ZNF609: variants seen among roughly 807,000 people sequenced by gnomAD.
ZNF609 encodes the protein zinc finger protein 609.
In ZNF609, 11 loss-of-function variants were observed where a neutral mutation model predicts 109.5. The observed-to-expected ratio is 0.10, with a 90% CI of 0.06 to 0.17. The LOEUF (loss-of-function observed/expected upper bound fraction) is 0.17, where lower values mean the gene tolerates loss of function less well. Ranked by LOEUF, ZNF609 falls within the 10% of genes least tolerant of loss-of-function variation. The pLI, the probability that ZNF609 is intolerant of heterozygous loss-of-function variation, is 1.00. For synonymous variants in ZNF609, 646 were observed against 662.0 expected (o/e 0.98, Z 0.37); for missense variants, 1,559 against 1,772.4 (o/e 0.88, Z 2.16).
At chr15:64,563,896 T>C (rs12911719) in intron 2 of ZNF609, among the ~76,000 whole-genome samples, 1 of 152,210 alleles carries the variant, frequency 6.6e-6, no homozygotes, top group Non-Finnish European at 1.5e-5. Context: ...TATTTATTTA[T>C]TTTTTGAGAC....
chr15:64,626,444 C>T (rs1895963923), intron 3 of ZNF609, among the ~76,000 whole-genome samples: 1 of 152,132 alleles, frequency 6.6e-6, no homozygotes. Flanking sequence ...AAAATTCTTC[C>T]AGACTTCTAG....
intron 1 of ZNF609, among the ~76,000 whole-genome samples, chr15:64,465,828 GAT>G (rs1183728296): frequency 2.2e-4 from 33 of 151,920 alleles, no homozygotes; most frequent in Admixed American, 2.1e-3. Context: ...CTTAAAAACG[GAT>G]ATAGGCCGGG....
chr15:64,528,707 C>T, intron 2 of ZNF609: 1 of 1,180,698 alleles, frequency 8.5e-7, no homozygotes, highest in East Asian at 2.3e-5. Flanking sequence ...GTGCACCACC[C>T]TGTTGCTGTA....
intron 3 of ZNF609, among the ~76,000 whole-genome samples, chr15:64,626,793 G>A (rs1462506518): frequency 1.3e-5 from 2 of 152,016 alleles, no homozygotes; most frequent in Non-Finnish European, 2.9e-5. Flanking sequence ...TGATAATTCA[G>A]TAAGCACTGC....
intron 2 of ZNF609, among the ~76,000 whole-genome samples, chr15:64,608,376 C>G (rs1895647475): frequency 6.6e-6 from 1 of 152,132 alleles, no homozygotes; most frequent in South Asian, 2.1e-4. Context: ...ATGATAATAT[C>G]TTGCAGAACT....
intron 2 of ZNF609, among the ~76,000 whole-genome samples, chr15:64,517,493 A>G (rs1272159931): frequency 6.6e-6 from 1 of 152,218 alleles, no homozygotes; most frequent in Non-Finnish European, 1.5e-5. Context: ...CAAGCAGTTC[A>G]AATTTATGGA....
chr15:64,666,997 A>G (rs190456477), intron 3 of ZNF609, among the ~76,000 whole-genome samples: 1 of 151,912 alleles, frequency 6.6e-6, no homozygotes, highest in Non-Finnish European at 1.5e-5. Flanking sequence ...GGGTGTGGTG[A>G]TGTGCGCCTC....
intron 2 of ZNF609, among the ~76,000 whole-genome samples, chr15:64,584,337 A>T (rs966400094): frequency 2.6e-5 from 4 of 151,774 alleles, no homozygotes; most frequent in Admixed American, 6.6e-5. Context: ...TTATTTATTT[A>T]TTTTTTGAGA....
At chr15:64,645,292 T>C (rs1896319811) in intron 3 of ZNF609, among the ~76,000 whole-genome samples, 1 of 151,980 alleles carries the variant, frequency 6.6e-6, no homozygotes, top group African/African-American at 2.4e-5. Context: ...GGTCTCACCA[T>C]GTTACTTAGG....
chr15:64,463,829 CCTCAGCTAAACTGAGT>C (rs1735815546), intron 1 of ZNF609, among the ~76,000 whole-genome samples: 1 of 152,234 alleles, frequency 6.6e-6, no homozygotes, highest in African/African-American at 2.4e-5. Flanking sequence ...TTGAGTGAAG[CCTCAGCTAAACTGAGT>C]CCAAAGCTTT....
chr15:64,595,990 A>C (rs1158423987), intron 2 of ZNF609, among the ~76,000 whole-genome samples: 1 of 152,162 alleles, frequency 6.6e-6, no homozygotes, highest in East Asian at 1.9e-4. Flanking sequence ...CTTAATAAAT[A>C]AATTATTTGT....
At chr15:64,596,503 A>G (rs184350965) in intron 2 of ZNF609, among the ~76,000 whole-genome samples, 2 of 152,228 alleles carry the variant, frequency 1.3e-5, no homozygotes, top group South Asian at 2.1e-4. Context: ...CCCTCTGCCT[A>G]TAGTGCTTAT....
chr15:64,586,583 T>C (rs1895201961), intron 2 of ZNF609, among the ~76,000 whole-genome samples: 1 of 152,130 alleles, frequency 6.6e-6, no homozygotes, highest in Non-Finnish European at 1.5e-5. Flanking sequence ...GTTCCTTATG[T>C]GAATCTAATG....
At chr15:64,668,952 C>CAAAA (rs538954402) in intron 3 of ZNF609, among the ~76,000 whole-genome samples, 9 of 34,930 alleles carry the variant, frequency 2.6e-4, no homozygotes, top group East Asian at 8.9e-4. Context: ...AACTCCGTCT[C>CAAAA]AAAAAAAAAA....
At chr15:64,556,971 A>G (rs1894598755) in intron 2 of ZNF609, among the ~76,000 whole-genome samples, 1 of 152,170 alleles carries the variant, frequency 6.6e-6, no homozygotes, top group Non-Finnish European at 1.5e-5. Context: ...AGGAACCAGG[A>G]TAATTATATC....
intron 3 of ZNF609, among the ~76,000 whole-genome samples, chr15:64,651,231 G>A (rs146762004): frequency 3.2e-4 from 48 of 152,168 alleles, no homozygotes; most frequent in Admixed American, 6.5e-4. Flanking sequence ...GTCCCAAGTA[G>A]GCAGCTTTGC....
At chr15:64,644,310 C>T (rs145354703) in intron 3 of ZNF609, among the ~76,000 whole-genome samples, 76 of 151,966 alleles carry the variant, frequency 5.0e-4, no homozygotes, top group African/African-American at 1.8e-3. Flanking sequence ...TATAGCAAGA[C>T]CTCATCTCTA....
intron 2 of ZNF609, among the ~76,000 whole-genome samples, chr15:64,530,157 G>A (rs1457532601): frequency 6.6e-6 from 1 of 152,044 alleles, no homozygotes; most frequent in East Asian, 1.9e-4. Flanking sequence ...TGGGACTACA[G>A]GCCCATGCCA....
At chr15:64,669,528 G>A (rs1036773616) in intron 3 of ZNF609, among the ~76,000 whole-genome samples, 16 of 152,146 alleles carry the variant, frequency 1.1e-4, no homozygotes, top group Non-Finnish European at 2.9e-5. Context: ...TAGGGGAACT[G>A]GAAGACTGAA....
Sources: gnomAD v4.1 joint callset for allele counts (sites outside exome capture counted in the v4.1 genomes callset) on GRCh38, gnomAD v4.1.1 for gene constraint, MANE v1.5 for transcripts, NCBI Gene and HGNC (gene_info 2026-07-23, HGNC 2026-07-21) for gene names.